Variants in SIL1 observed in about 807,000 individuals in gnomAD.
SIL1 encodes SIL1 nucleotide exchange factor.
Under a neutral mutation model 49.1 loss-of-function variants are expected in SIL1, and 40 were observed. That is an observed-to-expected ratio of 0.81 (90% CI 0.63 to 1.06). The LOEUF (loss-of-function observed/expected upper bound fraction) is 1.06, where lower values mean the gene tolerates loss of function less well. SIL1 is among the 50% of genes least tolerant of loss of function. The pLI, the probability that SIL1 is intolerant of heterozygous loss-of-function variation, is 0.00. For missense variants in SIL1, 500 were observed against 572.6 expected (o/e 0.87, Z 1.29); for synonymous variants, 253 against 250.8 (o/e 1.01, Z -0.08).
At chr5:139,147,737 G>A (rs1751220758) in intron 1 of SIL1, among the ~76,000 whole-genome samples, 1 of 152,188 alleles carries the variant, frequency 6.6e-6, no homozygotes, top group South Asian at 2.1e-4. Flanking sequence ...TTAAGTTCAA[G>A]AAGCAATATT....
intron 1 of SIL1, among the ~76,000 whole-genome samples, chr5:139,143,649 G>A (rs1751137236): frequency 6.6e-6 from 1 of 151,830 alleles, no homozygotes. Flanking sequence ...TGGGATTACG[G>A]GCATAAGCCA....
At chr5:139,195,885 C>T (rs918477136) in intron 1 of SIL1, among the ~76,000 whole-genome samples, 4 of 152,142 alleles carry the variant, frequency 2.6e-5, no homozygotes, top group East Asian at 1.9e-4. Context: ...CCATGCCATT[C>T]GGGGTTAAAT....
rs140654115 is a variant in SIL1, at chr5:138,949,421, C to T, written c.1029+1750G>A. ...CATGACAACATGCTGCAGTGATCCC[C>T]GAGCTGCATGGCACCCCTCCATCGT... On this transcript the variant is annotated intron_variant, in intron 9 of 9. Coordinates refer to ENST00000394817, the MANE Select transcript of SIL1 (RefSeq NM_022464.5). 4.1e-3 allele frequency among the ~76,000 whole-genome samples: 624 copies of T among 152,318 alleles called. 2 individuals carry two copies. The highest frequency in any genetic ancestry group is 0.014 in the African/African-American group (592 of 41,566).
At chr5:139,093,848 A>C (rs1455976299) in intron 3 of SIL1, 1 of 152,320 alleles carries the variant, frequency 6.6e-6, no homozygotes, top group South Asian at 2.1e-4. Context: ...GCTTTACTCC[A>C]CATCAAAAAG....
chr5:139,121,250 C>T, intron 2 of SIL1, 77 bp from the exon 3 acceptor site: 2 of 1,597,714 alleles, frequency 1.3e-6, no homozygotes, highest in Non-Finnish European at 1.7e-6. Flanking sequence ...CCTAGGGTGG[C>T]ACGTTCTTTT....
chr5:138,965,599 G>C (rs920812063), intron 7 of SIL1, among the ~76,000 whole-genome samples: 2 of 152,028 alleles, frequency 1.3e-5, no homozygotes, highest in African/African-American at 4.8e-5. Flanking sequence ...AAGACACAAA[G>C]GTGAATAAAG....
chr5:139,130,998 G>A (rs1168351627), intron 1 of SIL1, among the ~76,000 whole-genome samples: 1 of 152,200 alleles, frequency 6.6e-6, no homozygotes, highest in Non-Finnish European at 1.5e-5. Flanking sequence ...TCCTTAATAG[G>A]TAAAGAGTTT....
At chr5:139,046,722 G>A (rs1404938439) in intron 4 of SIL1, among the ~76,000 whole-genome samples, 1 of 152,182 alleles carries the variant, frequency 6.6e-6, no homozygotes, top group East Asian at 1.9e-4. Context: ...CTTCTCTCTA[G>A]TCAAGCTACA....
intron 1 of SIL1, among the ~76,000 whole-genome samples, chr5:139,175,520 C>A (rs1184450250): frequency 6.6e-6 from 1 of 152,228 alleles, no homozygotes; most frequent in Non-Finnish European, 1.5e-5. Flanking sequence ...AAGCAAAGCC[C>A]TAGACCTGAT....
chr5:139,145,869 G>C (rs1751185932), intron 1 of SIL1, among the ~76,000 whole-genome samples: 1 of 151,320 alleles, frequency 6.6e-6, no homozygotes, highest in Non-Finnish European at 1.5e-5. Context: ...GGCCAGCCTG[G>C]GCAACACAGA....
chr5:139,067,712 C>A lies in SIL1; in HGVS notation c.245-16666G>T, dbSNP rs575360032. 8.7e-3 allele frequency among the ~76,000 whole-genome samples: 1,318 copies of A among 152,356 alleles called. 21 individuals are homozygous for A. Among genetic ancestry groups the A allele is most frequent in the African/African-American group, 0.029 (1,193 of 41,572 alleles). Reference sequence around the variant, plus strand: ...TGAAGAGCCTCTGGGCCAATAATGGCAAGGCCTTGCAGCAACCGGCATCCT... The same window carrying A: ...TGAAGAGCCTCTGGGCCAATAATGGAAAGGCCTTGCAGCAACCGGCATCCT... On this transcript the variant is annotated intron_variant, in intron 3 of 9. Transcript: ENST00000394817.
chr5:138,976,850 A>G (rs77734160), intron 7 of SIL1, among the ~76,000 whole-genome samples: 2 of 152,234 alleles, frequency 1.3e-5, no homozygotes, highest in East Asian at 3.9e-4. Context: ...TAAAAAAAAA[A>G]TTTGTAGGGC....
intron 7 of SIL1, among the ~76,000 whole-genome samples, chr5:138,997,349 A>G (rs1346503770): frequency 6.6e-6 from 1 of 152,124 alleles, no homozygotes; most frequent in Admixed American, 6.5e-5. Flanking sequence ...TCTTCTGCGT[A>G]TGGTTATCCG....
chr5:138,983,971 G>T (rs1165717884), intron 7 of SIL1, among the ~76,000 whole-genome samples: 1 of 152,204 alleles, frequency 6.6e-6, no homozygotes, highest in Non-Finnish European at 1.5e-5. Flanking sequence ...CATCCTGAAG[G>T]CTAAAATCAA....
At chr5:139,064,534 G>A (rs148326234) in intron 3 of SIL1, among the ~76,000 whole-genome samples, 6 of 152,310 alleles carry the variant, frequency 3.9e-5, no homozygotes, top group Admixed American at 2.6e-4. Context: ...TTAACAAAAC[G>A]AGGTTATTCA....
At chr5:139,076,719 C>T (rs1218800189) in intron 3 of SIL1, among the ~76,000 whole-genome samples, 14 of 152,172 alleles carry the variant, frequency 9.2e-5, no homozygotes, top group Admixed American at 9.2e-4. Flanking sequence ...CATTATTTCA[C>T]CAGTACAGTG....
At chr5:139,024,079 C>G (rs1048740385) in intron 6 of SIL1, among the ~76,000 whole-genome samples, 1 of 152,210 alleles carries the variant, frequency 6.6e-6, no homozygotes, top group Admixed American at 6.5e-5. Context: ...CTAGCCCAAG[C>G]CTCCTGTGGA....
At chr5:139,041,879 C>T (rs1769056769) in intron 5 of SIL1, among the ~76,000 whole-genome samples, 1 of 150,024 alleles carries the variant, frequency 6.7e-6, no homozygotes, top group Non-Finnish European at 1.5e-5. Context: ...GGAGGGAGAA[C>T]TTAGGTCTCT....
At chr5:139,164,394 G>A (rs989280936) in intron 1 of SIL1, among the ~76,000 whole-genome samples, 3 of 151,920 alleles carry the variant, frequency 2.0e-5, no homozygotes, top group South Asian at 2.1e-4. Context: ...TGAAGGAGCC[G>A]CTCACCTTCC....
Sources: allele counts gnomAD v4.1 joint callset (sites outside exome capture counted in the v4.1 genomes callset), GRCh38; gene constraint gnomAD v4.1.1; transcripts MANE v1.5; gene names NCBI Gene and HGNC (gene_info 2026-07-23, HGNC 2026-07-21).